ODAD4: variants seen among roughly 807,000 people sequenced by gnomAD.
ODAD4 encodes the protein outer dynein arm-docking complex subunit 4.
A neutral mutation model predicts 51.8 loss-of-function variants in ODAD4; 49 were observed. The ratio of observed to expected loss-of-function variants is 0.95; its 90% CI spans 0.75 to 1.20. The LOEUF is 1.20. ODAD4 is among the 50% of genes most tolerant of loss of function. The pLI, the probability that ODAD4 is intolerant of heterozygous loss-of-function variation, is 0.00. For missense variants in ODAD4, 590 were observed against 586.5 expected, an observed-to-expected ratio of 1.01 and a Z score of -0.06; for synonymous variants, 235 against 221.3, an observed-to-expected ratio of 1.06 and a Z score of -0.55.
chr17:41,958,128 A>G (rs1555641230), intron 10 of ODAD4, among the ~76,000 whole-genome samples: 2 of 152,054 alleles, frequency 1.3e-5, no homozygotes, highest in African/African-American at 4.8e-5. Flanking sequence ...TGCCTGGAAT[A>G]TTCTAAACCT....
intron 11 of ODAD4, among the ~76,000 whole-genome samples, chr17:41,961,805 T>G (rs1202253738): frequency 2.0e-5 from 3 of 152,178 alleles, no homozygotes; most frequent in African/African-American, 7.2e-5. Flanking sequence ...CCCATGGCCC[T>G]TTGGGCAAGG....
At chr17:41,933,059 A>T (rs1405500078) in intron 1 of ODAD4, among the ~76,000 whole-genome samples, 1 of 151,992 alleles carries the variant, frequency 6.6e-6, no homozygotes, top group African/African-American at 2.4e-5. Flanking sequence ...ACCAGAAATG[A>T]TGACCAGATA....
Position 41,938,770 on chromosome 17 carries a change from A to G in ODAD4, c.839A>G (p.Asp280Gly), listed in dbSNP as rs370180388. The change falls in exon 6 of 12, where the codon GAC becomes GGC. Residue 280 changes from aspartate to glycine, a missense_variant. Physicochemically the swap from Asp to Gly is moderately conservative, Grantham distance 94. This residue lies in a region of ODAD4 where 360 missense variants were observed against 407.5 expected (regional missense o/e 0.88). Transcript: ENST00000377540. ...CATTACATCCTCAAGAGCCTGGAGG[A>G]CATTGATATGTGTAGGTGTTGTTCT... ...TAHYILKSLE[D>G]IDMLLTSGSA... 5 of 1,613,100 alleles carry G rather than the reference A, an allele frequency of 3.1e-6. No homozygotes were observed. The highest frequency in any genetic ancestry group is 3.4e-6 in the Non-Finnish European group (4 of 1,179,838).
At chr17:41,935,879 C>A in intron 3 of ODAD4, 130 bp downstream of exon 3, 1 of 1,121,092 alleles carries the variant, frequency 8.9e-7, no homozygotes, top group Non-Finnish European at 1.3e-6. Context: ...CTGGATTTGG[C>A]TGCTGCAGTG....
At chr17:41,963,326 G>C (rs1271648576) in intron 11 of ODAD4, among the ~76,000 whole-genome samples, 1 of 152,126 alleles carries the variant, frequency 6.6e-6, no homozygotes, top group African/African-American at 2.4e-5. Flanking sequence ...TAGGAGCAAG[G>C]ATCCCTTTGC....
At chr17:41,948,099 CAA>C (rs2050610807) in intron 8 of ODAD4, among the ~76,000 whole-genome samples, 1 of 151,708 alleles carries the variant, frequency 6.6e-6, no homozygotes, top group South Asian at 2.1e-4. Flanking sequence ...GACTGGGCAA[CAA>C]GAGCAAAACT....
intron 8 of ODAD4, among the ~76,000 whole-genome samples, chr17:41,947,045 T>C (rs1362994360): frequency 2.0e-5 from 3 of 151,326 alleles, no homozygotes; most frequent in African/African-American, 7.3e-5. Context: ...AGACGGGGTT[T>C]CCCCGCGTTG....
At chr17:41,948,938 A>C (rs894792728) in intron 8 of ODAD4, among the ~76,000 whole-genome samples, 7 of 152,098 alleles carry the variant, frequency 4.6e-5, no homozygotes, top group Non-Finnish European at 8.8e-5. Context: ...GCCAGCCTCA[A>C]CTGTTGTATT....
chr17:41,943,108 G>A (rs1445573415), intron 7 of ODAD4, among the ~76,000 whole-genome samples: 3 of 152,168 alleles, frequency 2.0e-5, no homozygotes, highest in African/African-American at 7.2e-5. Context: ...AAACCTGAAA[G>A]TTGTCCCCCG....
At position 41,938,993 on chromosome 17, in the gene ODAD4, T is replaced by G; in HGVS notation, c.879T>G (p.Ser293Arg). The change falls in exon 7 of 12, where the codon AGT becomes AGG. Residue 293 changes from serine to arginine, a missense_variant. Coordinates refer to ENST00000377540, the MANE Select transcript of ODAD4 (RefSeq NM_031421.5). ...MLLTSGSAEG[S>R]LQKAEKVLKK... Reference sequence around the variant, plus strand: ...TCACAAGTGGCAGTGCTGAAGGGAGTCTTCAGAAAGCTGAGAAAGTGCTGA... The same window carrying G: ...TCACAAGTGGCAGTGCTGAAGGGAGGCTTCAGAAAGCTGAGAAAGTGCTGA... 6.2e-7 allele frequency: 1 copy of G among 1,611,112 alleles called. No homozygotes were observed.
intron 1 of ODAD4, among the ~76,000 whole-genome samples, chr17:41,932,978 C>T (rs2050371832): frequency 6.6e-6 from 1 of 152,040 alleles, no homozygotes. Context: ...TTTGAGACTT[C>T]CTGTAAGATC....
intron 11 of ODAD4, 145 bp from the exon 12 acceptor site, chr17:41,964,848 G>T (rs1303086235): frequency 1.7e-6 from 1 of 572,458 alleles, no homozygotes; most frequent in Non-Finnish European, 3.1e-6. Context: ...TCACTGTGTC[G>T]CCCAGGCTGG....
Position 41,936,542 on chromosome 17 carries a change from C to T in ODAD4, c.459+8C>T. 3 of 1,610,998 alleles carry T rather than the reference C, an allele frequency of 1.9e-6. No homozygotes were observed. The highest frequency in any genetic ancestry group is 1.7e-6 in the Non-Finnish European group (2 of 1,177,796). ...TTAAGCAAGCAGGCTGAGGTAAGGGCCCTGGTTCTGTGGTTGTATCCCTCC... is the reference window on the plus strand; with the variant it reads ...TTAAGCAAGCAGGCTGAGGTAAGGGTCCTGGTTCTGTGGTTGTATCCCTCC... On this transcript the variant is annotated splice_region_variant and intron_variant, in intron 4 of 11. Coordinates refer to ENST00000377540, the MANE Select transcript of ODAD4 (RefSeq NM_031421.5).
rs1221555154 is a variant in ODAD4, at chr17:41,949,349, G to A, written c.1342G>A (p.Val448Met). Residue 448 changes from valine to methionine, a missense_variant and splice_region_variant, in exon 9 of 12, where the codon GTG becomes ATG. This residue lies in a region of ODAD4 where 226 missense variants were observed against 162.7 expected (regional missense o/e 1.39). Coordinates refer to ENST00000377540, the MANE Select transcript of ODAD4 (RefSeq NM_031421.5). ...CAGTGTTCTGGTGGCCCAGGCACAA[G>A]GTATGGGCTCAGAGATGACCACCCT... ...NASVLVAQAQ[V>M]KLRDFESAVN... 1 of 398,564 alleles carries A rather than the reference G, an allele frequency of 2.5e-6. No individual in the cohort carries two copies. The allele number at this position is 398,564 out of a possible 1,614,324, so 24.7% of individuals were successfully genotyped here.
chr17:41,938,633 TCA>T lies in ODAD4; in HGVS notation c.705_706del (p.His235GlnfsTer47), dbSNP rs782772154. On this transcript the variant is annotated frameshift_variant, in exon 6 of 12. Transcript: ENST00000377540. LOFTEE classifies it high-confidence loss of function. ...TGACGGGCATCAACTACCTGGATACTCACAGCAACTTCTGGAGGCAGCAGAAG... is the reference window on the plus strand; with the variant it reads ...TGACGGGCATCAACTACCTGGATACTCAGCAACTTCTGGAGGCAGCAGAAG... Reference protein sequence around the residue: ...IMTGINYLDTHSNFWRQQKPI... With the variant: ...IMTGINYLDTXSNFWRQQKPI... The T allele has an allele frequency of 6.2e-7, 1 of 1,613,884 alleles. No individual in the cohort carries two copies. The highest frequency in any genetic ancestry group is 8.5e-7 in the Non-Finnish European group (1 of 1,179,876).
intron 10 of ODAD4, among the ~76,000 whole-genome samples, chr17:41,956,477 T>C (rs370527939): frequency 7.5e-6 from 1 of 133,740 alleles, no homozygotes. Context: ...TGAGCCACCA[T>C]GCCCGGCCTT....
At chr17:41,948,250 G>A (rs2050612282) in intron 8 of ODAD4, among the ~76,000 whole-genome samples, 1 of 151,170 alleles carries the variant, frequency 6.6e-6, no homozygotes, top group Non-Finnish European at 1.5e-5. Flanking sequence ...TTGATACTGT[G>A]TTTTTTCATT....
chr17:41,957,385 C>T (rs1555641157), intron 10 of ODAD4, among the ~76,000 whole-genome samples: 2 of 152,126 alleles, frequency 1.3e-5, no homozygotes, highest in African/African-American at 4.8e-5. Flanking sequence ...CGTTCACAAT[C>T]GGGTTCTCCC....
intron 7 of ODAD4, among the ~76,000 whole-genome samples, chr17:41,939,840 T>TGTGGAACTTGCACCGCCCAGCC (rs2050482546): frequency 6.6e-6 from 1 of 152,150 alleles, no homozygotes; most frequent in Non-Finnish European, 1.5e-5. Context: ...AGACCTAGGC[T>TGTGGAACTTGCACCGCCCAGCC]GTGGAACTTG....
Sources: allele counts gnomAD v4.1 joint callset (sites outside exome capture counted in the v4.1 genomes callset), GRCh38; gene constraint gnomAD v4.1.1; regional missense constraint gnomAD v4.1.1; transcripts MANE v1.5; gene names NCBI Gene and HGNC (gene_info 2026-07-23, HGNC 2026-07-21).